The following DNAJB12 variants were observed in gnomAD, a reference collection of about 807,000 sequenced individuals.
The protein encoded by DNAJB12 is DnaJ heat shock protein family (Hsp40) member B12, also known as dnaJ homolog subfamily B member 12.
DNAJB12 carries 14 observed loss-of-function variants against 40.6 expected under a neutral mutation model. That is an observed-to-expected ratio of 0.34 (90% CI 0.23 to 0.54). The LOEUF (loss-of-function observed/expected upper bound fraction) is 0.54. Among genes scored for constraint, DNAJB12 ranks in the 20% least tolerant of loss-of-function variants. DNAJB12 has a pLI of 0.92. For synonymous variants in DNAJB12, 181 were observed against 199.5 expected (o/e 0.91, Z 0.78); for missense variants, 444 against 501.7 (o/e 0.89, Z 1.10).
At chr10:72,352,064 C>A (rs1488480931) in intron 1 of DNAJB12, among the ~76,000 whole-genome samples, 1 of 152,200 alleles carries the variant, frequency 6.6e-6, no homozygotes, top group Non-Finnish European at 1.5e-5. Flanking sequence ...AATATCCAAC[C>A]AGCTCAAGGC....
intron 5 of DNAJB12, 58 bp downstream of exon 5, chr10:72,340,731 C>A: frequency 6.4e-7 from 1 of 1,557,152 alleles, no homozygotes; most frequent in South Asian, 1.1e-5. Flanking sequence ...TCCAAGCCCC[C>A]TCCCTGGGGT....
At chr10:72,338,000 C>T (rs1861526207) in intron 6 of DNAJB12, among the ~76,000 whole-genome samples, 1 of 152,150 alleles carries the variant, frequency 6.6e-6, no homozygotes, top group Non-Finnish European at 1.5e-5. Context: ...GTAGCTCTCG[C>T]TGCAATTTCT....
rs764189866 is a variant in DNAJB12, at chr10:72,345,090, G to A, written c.171C>T (p.Ala57=). The part of the protein sequence containing the change: ...IESLNQKPQT[A]GDQPPPTDTT... ...TGTCTGTGGGTGGGGGTTGGTCACC[G>A]GCAGTCTGTGGTTTCTGGTTGAGGG... Residue 57 remains alanine (A), a synonymous_variant, in exon 2 of 9, where the codon GCC becomes GCT. Coordinates refer to ENST00000444643, the MANE Select transcript of DNAJB12 (RefSeq NM_017626.7). The A allele has an allele frequency of 1.8e-5, 29 of 1,613,636 alleles. No homozygotes were observed. Among genetic ancestry groups the A allele is most frequent in the Middle Eastern group, 1.6e-4 (1 of 6,080 alleles).
chr10:72,336,591 G>C lies in DNAJB12; in HGVS notation c.939C>G (p.Val313=), dbSNP rs540195003. Residue 313 remains valine, a synonymous_variant, in exon 7 of 9, where the codon GTC becomes GTG. Transcript: ENST00000444643. ...TATAATCATCTTCCACATTCCGCTCGACTGTTTTGAGGCTGGAGCCTGTGT... is the reference window on the plus strand; with the variant it reads ...TATAATCATCTTCCACATTCCGCTCCACTGTTTTGAGGCTGGAGCCTGTGT... The part of the protein sequence containing the change: ...EEYTGSSLKT[V]ERNVEDDYIA... The C allele has an allele frequency of 4.3e-6, 7 of 1,614,112 alleles. No homozygotes were observed. In the East Asian group the frequency reaches 1.1e-4, roughly 26 times the overall value.
rs1253970556 is a variant in DNAJB12 at position 72,341,159 on chromosome 10, C to T, written c.469G>A (p.Ala157Thr). 1 of 1,607,374 alleles carries T rather than the reference C, an allele frequency of 6.2e-7. No homozygotes were observed. The highest frequency in any genetic ancestry group is 8.5e-7 in the Non-Finnish European group (1 of 1,174,514). Residue 157 changes from alanine (A) to threonine (T), a missense_variant, in exon 4 of 9, where the codon GCA (alanine) becomes ACA (threonine). Transcript: ENST00000444643. ...TCCGGGTTGCTGAGTACCGCATATGCTGTGCCAATGGCTGGAGAGGAGGAG... is the reference window on the plus strand; with the variant it reads ...TCCGGGTTGCTGAGTACCGCATATGTTGTGCCAATGGCTGGAGAGGAGGAG... ...ATEAFKAIGT[A>T]YAVLSNPEKR...
At position 72,341,215 on chromosome 10, in the gene DNAJB12, G is replaced by T. The variant is rs138088607; in HGVS notation, c.458-45C>A. The stretch of plus-strand genomic sequence containing the variant: ...GTCAGGCCTGAGGATCCTGGGGTGC[G>T]GGGGGAGGCTCCCATGGCAGCCGAG... On this transcript the variant is annotated intron_variant, in intron 3 of 8. Coordinates refer to ENST00000444643, the MANE Select transcript of DNAJB12 (RefSeq NM_017626.7). The T allele has an allele frequency of 6.3e-4, 983 of 1,559,814 alleles. 13 individuals are homozygous for T. In the South Asian group the frequency reaches 9.4e-3, roughly 15 times the overall value.
chr10:72,345,171 G>T, intron 1 of DNAJB12, 44 bp from the exon 2 acceptor site: 1 of 1,554,608 alleles, frequency 6.4e-7, no homozygotes, highest in South Asian at 1.2e-5. Flanking sequence ...GCTCAAGCAG[G>T]CTGCGTGCCT....
intron 6 of DNAJB12, among the ~76,000 whole-genome samples, chr10:72,337,386 T>C (rs1413446606): frequency 1.3e-5 from 2 of 152,108 alleles, no homozygotes; most frequent in African/African-American, 4.8e-5. Context: ...TGGCCACCTT[T>C]TGGGAGAGGG....
intron 1 of DNAJB12, among the ~76,000 whole-genome samples, chr10:72,345,680 C>T (rs1265844087): frequency 6.6e-6 from 1 of 151,528 alleles, no homozygotes; most frequent in Non-Finnish European, 1.5e-5. Context: ...TGTGACCAGC[C>T]CGGCCAACAT....
chr10:72,339,321 G>T (rs144043689), intron 5 of DNAJB12, among the ~76,000 whole-genome samples: 3,393 of 151,610 alleles, frequency 0.022, 118 homozygotes, highest in East Asian at 0.084. Context: ...AGATCACGAG[G>T]TCAGGAGTTC....
At position 72,335,787 on chromosome 10, in the gene DNAJB12, T is replaced by G. The variant is rs768487698; in HGVS notation, c.*23A>C. 1 of 1,613,242 alleles carries G rather than the reference T, an allele frequency of 6.2e-7. No individual in the cohort carries two copies. Among genetic ancestry groups the G allele is most frequent in the Non-Finnish European group, 8.5e-7 (1 of 1,179,532 alleles). On this transcript the variant is annotated 3_prime_UTR_variant, in exon 8 of 9. Coordinates refer to ENST00000444643, the MANE Select transcript of DNAJB12 (RefSeq NM_017626.7). This position sits in a 1 kb window ranked among gnomAD's most constrained non-coding sequence, Gnocchi z 4.4. ...GGCAGCCCTGGCTCATACTTGGACC[T>G]CGGTGGTGTGGCTGGCCCAGGACTA...
chr10:72,342,500 C>T lies in DNAJB12; in HGVS notation c.457+866G>A, dbSNP rs1251926326. Among the ~76,000 whole-genome samples, 19 of 152,280 alleles carry T rather than the reference C, an allele frequency of 1.2e-4. No homozygotes were observed. The East Asian group carries it at 2.3e-3, about 19-fold the overall frequency. On this transcript the variant is annotated intron_variant, in intron 3 of 8. Coordinates refer to ENST00000444643, the MANE Select transcript of DNAJB12 (RefSeq NM_017626.7). ...ACATTCAACAGGGCTACCTTGCTTC[C>T]CCCCACTCCCACTCTCCTCCTCCAG...
rs1280924742 is a variant in DNAJB12 at position 72,335,863 on chromosome 10, C to A, written c.1075G>T (p.Gly359Cys). 6.2e-7 allele frequency: 1 copy of A among 1,614,038 alleles called. No homozygotes were observed. The highest frequency in any genetic ancestry group is 8.5e-7 in the Non-Finnish European group (1 of 1,180,018). The change falls in exon 8 of 9, where the codon GGC becomes TGC. Residue 359 changes from glycine to cysteine, a missense_variant. Coordinates refer to ENST00000444643, the MANE Select transcript of DNAJB12 (RefSeq NM_017626.7). This position sits in a 1 kb window ranked among gnomAD's most constrained non-coding sequence, Gnocchi z 4.4. ...GACAGTCGGCTGCAGCTGGGGGTGCCCATCTTCTGTGCTCTGTGGTACATA... is the reference window on the plus strand; with the variant it reads ...GACAGTCGGCTGCAGCTGGGGGTGCACATCTTCTGTGCTCTGTGGTACATA... ...TDMYHRAQKM[G>C]TPSCSRLSEV...
chr10:72,342,718 A>G (rs16929777), intron 3 of DNAJB12, among the ~76,000 whole-genome samples: 15,144 of 152,246 alleles, frequency 0.099, 1,578 homozygotes, highest in African/African-American at 0.26. Flanking sequence ...AGAAGGCAGT[A>G]ATGTTTGGGG....
chr10:72,337,781 C>CAG (rs1861517890), intron 6 of DNAJB12, among the ~76,000 whole-genome samples: 1 of 152,110 alleles, frequency 6.6e-6, no homozygotes, highest in Non-Finnish European at 1.5e-5. Flanking sequence ...AGCCGAGGAG[C>CAG]AGAGGTTCTT....
In DNAJB12 at chr10:72,335,775, C is replaced by T. The variant is rs905712608; in HGVS notation, c.*30+5G>A. ...TTGCAGGGTGGAGGCAGCCCTGGCT[C>T]ATACTTGGACCTCGGTGGTGTGGCT... On this transcript the variant is annotated splice_donor_5th_base_variant and intron_variant, in intron 8 of 8. Coordinates refer to ENST00000444643, the MANE Select transcript of DNAJB12 (RefSeq NM_017626.7). This position sits in a 1 kb window ranked among gnomAD's most constrained non-coding sequence, Gnocchi z 4.4. 3 of 1,612,114 alleles carry T rather than the reference C, an allele frequency of 1.9e-6. No homozygotes were observed. The African/African-American group carries it at 4.0e-5, about 22-fold the overall frequency.
intron 7 of DNAJB12, 139 bp downstream of exon 7, chr10:72,336,384 TG>T: frequency 1.1e-6 from 1 of 905,152 alleles, no homozygotes; most frequent in Non-Finnish European, 1.7e-6. Flanking sequence ...AGCTCTTGTC[TG>T]GGAGGTGGCT....
chr10:72,354,487 TGCCAGC>T (rs1862013555), intron 1 of DNAJB12: 1 of 430,748 alleles, frequency 2.3e-6, no homozygotes, highest in Admixed American at 4.1e-5. Flanking sequence ...TCGTCCCGGC[TGCCAGC>T]GCGTTTCATT....
At chr10:72,350,057 C>G (rs1564824044) in intron 1 of DNAJB12, among the ~76,000 whole-genome samples, 1 of 151,970 alleles carries the variant, frequency 6.6e-6, no homozygotes, top group African/African-American at 2.4e-5. Context: ...GGAGAGGCAC[C>G]TGAGGTAGAG....
Sources: allele counts gnomAD v4.1 joint callset (sites outside exome capture counted in the v4.1 genomes callset), GRCh38; gene constraint gnomAD v4.1.1; non-coding constraint Gnocchi (gnomAD v3.1); transcripts MANE v1.5; gene names NCBI Gene and HGNC (gene_info 2026-07-23, HGNC 2026-07-21).